TTC9: variants seen among roughly 807,000 people sequenced by gnomAD.
TTC9 encodes the protein tetratricopeptide repeat protein 9A.
Under a neutral mutation model 22.9 loss-of-function variants are expected in TTC9, and 13 were observed. The observed-to-expected ratio is 0.57, with a 90% CI of 0.37 to 0.90. The LOEUF is 0.90. Ranked by LOEUF, TTC9 falls within the 40% of genes least tolerant of loss-of-function variation. The probability of loss-of-function intolerance (pLI) is 0.01; values close to 1 mark genes in which losing one functional copy is unlikely to be tolerated. For synonymous variants in TTC9, 148 were observed against 133.2 expected, an observed-to-expected ratio of 1.11 and a Z score of -0.77; for missense variants, 280 against 291.8, an observed-to-expected ratio of 0.96 and a Z score of 0.29.
At position 70,669,399 on chromosome 14, in the gene TTC9, C is replaced by T. The variant is rs117871345; in HGVS notation, c.589+1653C>T. Among the ~76,000 whole-genome samples, 380 of 152,140 alleles carry T rather than the reference C, an allele frequency of 2.5e-3. 6 individuals carry two copies. The East Asian group carries it at 0.05, about 20-fold the overall frequency. ...GGCTCAAATGATCCTCCCACCTCAG[C>T]GTCCCCAGTAGCTTGGACTACAGGC... On this transcript the variant is annotated intron_variant, in intron 2 of 2. Coordinates refer to ENST00000256367, the MANE Select transcript of TTC9 (RefSeq NM_015351.2).
intron 1 of TTC9, among the ~76,000 whole-genome samples, chr14:70,651,004 T>C (rs1035143739): frequency 5.9e-5 from 9 of 151,892 alleles, no homozygotes; most frequent in Admixed American, 5.9e-4. Context: ...TTTTGAGACA[T>C]AGTCTCATTC....
At chr14:70,648,021 A>T (rs548167825) in intron 1 of TTC9, among the ~76,000 whole-genome samples, 1 of 152,344 alleles carries the variant, frequency 6.6e-6, no homozygotes, top group African/African-American at 2.4e-5. Flanking sequence ...TTACAAATTT[A>T]AAAACTCAGT....
intron 1 of TTC9, among the ~76,000 whole-genome samples, chr14:70,647,032 C>G (rs941479524): frequency 6.6e-6 from 1 of 152,192 alleles, no homozygotes; most frequent in Non-Finnish European, 1.5e-5. Context: ...TTTCTCTTGA[C>G]TTGACATGGT....
chr14:70,642,211 C>T lies in TTC9; in HGVS notation c.82C>T (p.Pro28Ser), dbSNP rs1425942580. The T allele has an allele frequency of 1.3e-5, 17 of 1,271,874 alleles. No individual in the cohort carries two copies. The highest frequency in any genetic ancestry group is 1.7e-5 in the Non-Finnish European group (17 of 1,007,666). 78.8% of individuals were successfully genotyped at this position (1,271,874 alleles called of 1,614,324 possible). A position where few individuals can be genotyped will look rare whatever the true frequency, so the allele number is the denominator to read the frequency against. Residue 28 changes from proline to serine, a missense_variant, in exon 1 of 3, where the codon CCG becomes TCG. By Grantham distance (74) the Pro-to-Ser change is moderately conservative. This residue lies in a region of TTC9 where 49 missense variants were observed against 39.8 expected (regional missense o/e 1.23). Coordinates refer to ENST00000256367, the MANE Select transcript of TTC9 (RefSeq NM_015351.2). ...CGGAGAGGGGCAGCGGCCACCGCCGCCGCTGTGCGTCCCGGGCGGCGGCGG... is the reference window on the plus strand; with the variant it reads ...CGGAGAGGGGCAGCGGCCACCGCCGTCGCTGTGCGTCCCGGGCGGCGGCGG... Reference protein sequence around the residue: ...AAGEGQRPPPPLCVPGGGGGA... With the variant: ...AAGEGQRPPPSLCVPGGGGGA...
intron 1 of TTC9, among the ~76,000 whole-genome samples, chr14:70,663,416 G>T (rs1412642857): frequency 6.6e-6 from 1 of 152,208 alleles, no homozygotes; most frequent in Non-Finnish European, 1.5e-5. Context: ...GTGAGAAGAG[G>T]CTAGGGGAGC....
chr14:70,657,964 TCAAACAAA>T (rs576627915), intron 1 of TTC9, among the ~76,000 whole-genome samples: 3 of 152,066 alleles, frequency 2.0e-5, no homozygotes, highest in South Asian at 2.1e-4. Flanking sequence ...AGACTCCATC[TCAAACAAA>T]CAAACAAACA....
At chr14:70,660,689 C>T (rs760619373) in intron 1 of TTC9, among the ~76,000 whole-genome samples, 3 of 152,180 alleles carry the variant, frequency 2.0e-5, no homozygotes, top group Non-Finnish European at 4.4e-5. Context: ...TCTCTAGACC[C>T]AGCATTAGTC....
rs143668854 is a variant in TTC9, at chr14:70,675,203, A to G, written c.*4048A>G. ...ACCATTTGTACTTCTTTCTTTGTGA[A>G]TTTTCTATTTATTTGATATTGGTAT... On this transcript the variant is annotated 3_prime_UTR_variant, in exon 3 of 3. Coordinates refer to ENST00000256367, the MANE Select transcript of TTC9 (RefSeq NM_015351.2). The G allele has an allele frequency of 1.3e-5, 2 of 152,030 alleles. No individual in the cohort carries two copies. The highest frequency in any genetic ancestry group is 1.3e-4 in the Admixed American group (2 of 15,278). 9.4% of individuals were successfully genotyped at this position (152,030 alleles called of 1,614,324 possible). A position where few individuals can be genotyped will look rare whatever the true frequency, so the allele number is the denominator to read the frequency against.
At chr14:70,659,124 A>ACACACGCG (rs771569305) in intron 1 of TTC9, among the ~76,000 whole-genome samples, 31 of 122,852 alleles carry the variant, frequency 2.5e-4, no homozygotes, top group African/African-American at 8.9e-4. Flanking sequence ...AACTAAACAC[A>ACACACGCG]CACACACGCA....
chr14:70,645,673 G>T (rs1367047221), intron 1 of TTC9, among the ~76,000 whole-genome samples: 2 of 152,196 alleles, frequency 1.3e-5, no homozygotes, highest in African/African-American at 4.8e-5. Flanking sequence ...AAAGGAAGGA[G>T]ACCAGCAACT....
intron 1 of TTC9, among the ~76,000 whole-genome samples, chr14:70,644,483 A>G (rs1196561028): frequency 1.3e-5 from 2 of 152,226 alleles, no homozygotes; most frequent in African/African-American, 4.8e-5. Context: ...AAGAAATATG[A>G]TCATCAGTTT....
At chr14:70,644,744 A>G (rs773420177) in intron 1 of TTC9, among the ~76,000 whole-genome samples, 6 of 152,226 alleles carry the variant, frequency 3.9e-5, no homozygotes, top group Non-Finnish European at 7.3e-5. Context: ...GTCTCACAAA[A>G]GAACGAAAAG....
At chr14:70,650,167 G>A (rs569451735) in intron 1 of TTC9, among the ~76,000 whole-genome samples, 6 of 152,226 alleles carry the variant, frequency 3.9e-5, no homozygotes, top group East Asian at 1.9e-4. Context: ...GGCTCACAGC[G>A]GTGCAGCACT....
At chr14:70,647,478 A>G (rs558092060) in intron 1 of TTC9, among the ~76,000 whole-genome samples, 1 of 152,280 alleles carries the variant, frequency 6.6e-6, no homozygotes, top group East Asian at 1.9e-4. Flanking sequence ...TAGGGTTCCT[A>G]GATTATTTGT....
At chr14:70,646,051 A>G (rs1023728001) in intron 1 of TTC9, among the ~76,000 whole-genome samples, 5 of 152,166 alleles carry the variant, frequency 3.3e-5, no homozygotes, top group African/African-American at 1.2e-4. Flanking sequence ...CTAAAAACCT[A>G]TTTGGATGAC....
intron 1 of TTC9, among the ~76,000 whole-genome samples, chr14:70,651,593 T>C (rs1442127730): frequency 6.6e-6 from 1 of 152,090 alleles, no homozygotes; most frequent in African/African-American, 2.4e-5. Flanking sequence ...ACCATCCCAG[T>C]CCACACAAAG....
In TTC9 at chr14:70,667,527, G is replaced by C. The variant is rs367556460; in HGVS notation, c.407-37G>C. The C allele has an allele frequency of 1.9e-6, 3 of 1,611,642 alleles. No homozygotes were observed. The African/African-American group carries it at 4.0e-5, about 22-fold the overall frequency. ...AGGGAAACATGCAGAGCTGGCCACTGTTGTGCTGATGGCATTTTCCCTCCC... is the reference window on the plus strand; with the variant it reads ...AGGGAAACATGCAGAGCTGGCCACTCTTGTGCTGATGGCATTTTCCCTCCC... On this transcript the variant is annotated intron_variant, in intron 1 of 2. Transcript: ENST00000256367.
chr14:70,669,600 C>G (rs1479941565), intron 2 of TTC9, among the ~76,000 whole-genome samples: 1 of 145,362 alleles, frequency 6.9e-6, no homozygotes, highest in African/African-American at 2.5e-5. Flanking sequence ...TTTTTTTAAA[C>G]TCAATCTTCC....
chr14:70,668,182 G>C (rs1198870086), intron 2 of TTC9, among the ~76,000 whole-genome samples: 2 of 152,182 alleles, frequency 1.3e-5, no homozygotes, highest in East Asian at 3.9e-4. Context: ...GCACCTTTCA[G>C]GAAGCATGCT....
Sources: allele counts gnomAD v4.1 joint callset (sites outside exome capture counted in the v4.1 genomes callset), GRCh38; gene constraint gnomAD v4.1.1; regional missense constraint gnomAD v4.1.1; transcripts MANE v1.5; gene names NCBI Gene and HGNC (gene_info 2026-07-23, HGNC 2026-07-21).